DBN1: variants seen among roughly 807,000 people sequenced by gnomAD.
DBN1 encodes the protein drebrin.
Under a neutral mutation model 83.5 loss-of-function variants are expected in DBN1, and 21 were observed. The ratio of observed to expected loss-of-function variants is 0.25; its 90% confidence interval spans 0.18 to 0.36. The LOEUF (loss-of-function observed/expected upper bound fraction) is 0.36. Among genes scored for constraint, DBN1 ranks in the 10% least tolerant of loss-of-function variants. The pLI is 1.00. For missense variants in DBN1, 874 were observed against 935.7 expected (o/e 0.93, Z 0.86); for synonymous variants, 381 against 384.9 (o/e 0.99, Z 0.12).
intron 8 of DBN1, chr5:177,462,137 C>T: frequency 1.2e-6 from 1 of 845,778 alleles, no homozygotes; most frequent in African/African-American, 1.8e-5. Context: ...TGGGCAGCGC[C>T]CGCACTTGGC....
At chr5:177,473,295 C>CCCCTCCCGG (rs534504564) in intron 1 of DBN1, 141 bp downstream of exon 1, 23 of 418,314 alleles carry the variant, frequency 5.5e-5, no homozygotes, top group Middle Eastern at 6.9e-4. Flanking sequence ...ACAAAGGCAG[C>CCCCTCCCGG]CCCTCCCGGC....
intron 14 of DBN1, 28 bp from the exon 15 acceptor site, chr5:177,457,531 A>G: frequency 6.2e-7 from 1 of 1,609,064 alleles, no homozygotes; most frequent in Non-Finnish European, 8.5e-7. Flanking sequence ...GAGAGGAGTT[A>G]GGGACCTAGC....
intron 1 of DBN1, among the ~76,000 whole-genome samples, chr5:177,470,797 C>A (rs1490456987): frequency 6.6e-6 from 1 of 152,206 alleles, no homozygotes; most frequent in Non-Finnish European, 1.5e-5. Flanking sequence ...AATACAAAGA[C>A]CAGTGCTTCT....
chr5:177,468,557 CGG>C, intron 2 of DBN1: 1 of 453,196 alleles, frequency 2.2e-6, no homozygotes, highest in Non-Finnish European at 3.9e-6. Context: ...CTGGGGAAGG[CGG>C]TGAATAGGGC....
rs780677388 is a variant in DBN1 at position 177,466,210 on chromosome 5, A to G, written c.771+562T>C. Reference sequence around the variant, plus strand: ...GCCATGCTCAGTCCTGAATGACATTAGCTATTTCCAAAATACTAAATTCAA... The same window carrying G: ...GCCATGCTCAGTCCTGAATGACATTGGCTATTTCCAAAATACTAAATTCAA... On this transcript the variant is annotated intron_variant, in intron 8 of 14. Transcript: ENST00000393565. The surrounding 1 kb of genome is among the most constrained non-coding windows in gnomAD (Gnocchi z 4.8). Among the ~76,000 whole-genome samples, 1 of 152,200 alleles carries G rather than the reference A, an allele frequency of 6.6e-6. No homozygotes were observed. The highest frequency in any genetic ancestry group is 1.5e-5 in the Non-Finnish European group (1 of 68,034).
Position 177,466,932 on chromosome 5 carries a change from T to A in DBN1, c.686A>T (p.Glu229Val). ...EERERRYRER[E>V]QQIEEHRRKQ... Reference sequence around the variant, plus strand: ...TCACCTGTGCTCCTCGATCTGCTGCTCCCGCTCCCGGTAGCGCCGCTCGCG... The same window carrying A: ...TCACCTGTGCTCCTCGATCTGCTGCACCCGCTCCCGGTAGCGCCGCTCGCG... The change falls in exon 7 of 15, where the codon GAG (glutamate) becomes GTG (valine). Residue 229 changes from glutamate (E) to valine (V), a missense_variant. Transcript: ENST00000393565. This position sits in a 1 kb window ranked among gnomAD's most constrained non-coding sequence, Gnocchi z 4.8. 1 of 1,612,738 alleles carries A rather than the reference T, an allele frequency of 6.2e-7. No homozygotes were observed. The highest frequency in any genetic ancestry group is 8.5e-7 in the Non-Finnish European group (1 of 1,179,760).
intron 1 of DBN1, chr5:177,473,014 G>C (rs1757961879): frequency 1.0e-5 from 2 of 200,486 alleles, no homozygotes; most frequent in African/African-American, 2.4e-5. Context: ...GGCTCCGCTA[G>C]CTCGGTCCCC....
At chr5:177,468,970 G>T in intron 1 of DBN1, 71 bp from the exon 2 acceptor site, 1 of 999,878 alleles carries the variant, frequency 1.0e-6, no homozygotes, top group Non-Finnish European at 1.4e-6. Flanking sequence ...GGACGGCTCT[G>T]GGGAGGGAGA....
Position 177,458,217 on chromosome 5 carries a change from C to T in DBN1, c.1755G>A (p.Pro585=), listed in dbSNP as rs557955439. ...CCTCTGGGTCACAGAAGGTGGCTGG[C>T]GGCTCAGGCAGCTCATCAAAGTTGA... The part of the protein sequence containing the change: ...TLLNFDELPE[P]PATFCDPEEV... Residue 585 remains proline, a synonymous_variant, in exon 13 of 15, where the codon CCG becomes CCA. Transcript: ENST00000393565. The T allele has an allele frequency of 7.3e-5, 118 of 1,613,076 alleles. 1 individual carries two copies. Among genetic ancestry groups the T allele is most frequent in the East Asian group, 4.5e-5 (2 of 44,890 alleles).
chr5:177,470,044 G>T (rs1371618455), intron 1 of DBN1, among the ~76,000 whole-genome samples: 1 of 152,226 alleles, frequency 6.6e-6, no homozygotes, highest in African/African-American at 2.4e-5. Context: ...GGAAATGAAG[G>T]CGGGAGGGAT....
chr5:177,468,953 T>C (rs1757660431), intron 1 of DBN1, 54 bp from the exon 2 acceptor site: 1 of 1,197,164 alleles, frequency 8.4e-7, no homozygotes, highest in African/African-American at 1.6e-5. Flanking sequence ...CCGCCAATTC[T>C]GGGTGGGGAC....
intron 2 of DBN1, chr5:177,468,430 C>T (rs1002937538): frequency 1.7e-6 from 1 of 593,678 alleles, no homozygotes; most frequent in Admixed American, 2.9e-5. Context: ...CCTGCAGGGC[C>T]TGATTTGGGG....
In DBN1 at chr5:177,473,554, G is replaced by A; in HGVS notation, c.-33C>T. On this transcript the variant is annotated 5_prime_UTR_variant, in exon 1 of 15. Transcript: ENST00000393565. ...GCCGGACCGGGCCGAACGGACAGAC[G>A]CGCGGACGGACGGGCGGACGGAGGA... 3.0e-6 allele frequency: 4 copies of A among 1,319,750 alleles called. No homozygotes were observed. The highest frequency in any genetic ancestry group is 2.9e-6 in the Non-Finnish European group (3 of 1,021,218). The allele number at this position is 1,319,750 out of a possible 1,614,324, so 81.8% of individuals were successfully genotyped here.
In DBN1 at chr5:177,468,099, G is replaced by A. The variant is rs1387296899; in HGVS notation, c.255+9C>T. 2 of 1,587,464 alleles carry A rather than the reference G, an allele frequency of 1.3e-6. No individual in the cohort carries two copies. The highest frequency in any genetic ancestry group is 2.7e-5 in the African/African-American group (2 of 73,002). ...CCCTCAGCCCCCTTCCCCAGCCCCG[G>A]CCGCATACCCAGTTGATGAGCACGT... On this transcript the variant is annotated intron_variant, in intron 3 of 14. Transcript: ENST00000393565.
intron 8 of DBN1, chr5:177,462,239 T>C: frequency 1.0e-6 from 1 of 983,330 alleles, no homozygotes. Flanking sequence ...TACTGTGAGA[T>C]GTAGACATCA....
chr5:177,469,669 C>T (rs1422311293), intron 1 of DBN1, among the ~76,000 whole-genome samples: 1 of 152,196 alleles, frequency 6.6e-6, no homozygotes, highest in Non-Finnish European at 1.5e-5. Flanking sequence ...TGGCCTTCCT[C>T]CTTCCTCCTC....
At chr5:177,472,048 CT>C (rs1284633436) in intron 1 of DBN1, 9 of 1,524,780 alleles carry the variant, frequency 5.9e-6, no homozygotes, top group South Asian at 2.5e-5. Context: ...CTCAGCCCCC[CT>C]GGGGCAGGGC....
At chr5:177,469,872 C>T (rs996516601) in intron 1 of DBN1, among the ~76,000 whole-genome samples, 3 of 152,226 alleles carry the variant, frequency 2.0e-5, no homozygotes, top group African/African-American at 7.2e-5. Flanking sequence ...CTCTCAACCC[C>T]TTCTCCAAAC....
intron 8 of DBN1, 76 bp from the exon 9 acceptor site, chr5:177,460,779 A>G (rs1316266001): frequency 6.9e-7 from 1 of 1,450,378 alleles, no homozygotes; most frequent in East Asian, 2.4e-5. Flanking sequence ...ACTGTATTTT[A>G]TTTATTGATT....
Sources: gnomAD v4.1 joint callset for allele counts (sites outside exome capture counted in the v4.1 genomes callset) on GRCh38, gnomAD v4.1.1 for gene constraint, Gnocchi (gnomAD v3.1) non-coding constraint, MANE v1.5 for transcripts, NCBI Gene and HGNC (gene_info 2026-07-23, HGNC 2026-07-21) for gene names.